The following CEP83 variants were observed in gnomAD, a reference collection of about 807,000 sequenced individuals.
CEP83 encodes centrosomal protein 83, also known as centrosomal protein of 83 kDa.
A neutral mutation model predicts 101.9 loss-of-function variants in CEP83; 70 were observed. The observed-to-expected ratio is 0.69, with a 90% CI of 0.57 to 0.84. The LOEUF is 0.84. CEP83 is among the 40% of genes least tolerant of loss of function. The pLI is 0.00. For missense variants in CEP83, 715 were observed against 787.2 expected (o/e 0.91, Z 1.10); for synonymous variants, 264 against 267.9 (o/e 0.99, Z 0.14).
chr12:94,381,537 C>A (rs970086252), intron 6 of CEP83, among the ~76,000 whole-genome samples: 1 of 152,082 alleles, frequency 6.6e-6, no homozygotes, highest in African/African-American at 2.4e-5. Flanking sequence ...AATGATAGCA[C>A]TTCAATTCCC....
At chr12:94,375,769 G>A (rs1245807977) in intron 8 of CEP83, 117 bp downstream of exon 8, 1 of 518,116 alleles carries the variant, frequency 1.9e-6, no homozygotes, top group Non-Finnish European at 3.1e-6. Flanking sequence ...TTTCTTAGAA[G>A]GCAGAATGAT....
chr12:94,285,885 C>A, the CEP83 span, among the ~76,000 whole-genome samples: 4 of 152,126 alleles, frequency 2.6e-5, no homozygotes, highest in Admixed American at 1.3e-4. Flanking sequence ...CTGTGCCTCC[C>A]CTGCCAGGCT....
intron 2 of CEP83, among the ~76,000 whole-genome samples, chr12:94,414,980 C>G (rs1213622502): frequency 6.6e-6 from 1 of 151,746 alleles, no homozygotes; most frequent in Non-Finnish European, 1.5e-5. Flanking sequence ...ATTCTGTATG[C>G]AAAGGGTACA....
At chr12:94,458,205 GAAA>G (rs143189453) in intron 1 of CEP83, among the ~76,000 whole-genome samples, 1 of 130,160 alleles carries the variant, frequency 7.7e-6, no homozygotes, top group Non-Finnish European at 1.7e-5. Flanking sequence ...CTCAAAAAAA[GAAA>G]AAAAAAAAAA....
At chr12:94,407,211 A>T (rs1378871489) in intron 4 of CEP83, among the ~76,000 whole-genome samples, 1 of 152,186 alleles carries the variant, frequency 6.6e-6, no homozygotes, top group Non-Finnish European at 1.5e-5. Context: ...GAGAAAGAAA[A>T]TATTTTTAGA....
the CEP83 span, chr12:94,301,109 C>T: frequency 2.0e-6 from 3 of 1,528,332 alleles, no homozygotes; most frequent in Non-Finnish European, 9.0e-7. Flanking sequence ...GTTTGACATA[C>T]TTGTCTTTCT....
chr12:94,450,920 C>A (rs1214125856), intron 1 of CEP83, among the ~76,000 whole-genome samples: 1 of 152,146 alleles, frequency 6.6e-6, no homozygotes, highest in Non-Finnish European at 1.5e-5. Context: ...GAAAATGTTA[C>A]ACTACTTATT....
In CEP83 at chr12:94,435,984, C is replaced by G. The variant is rs148559271; in HGVS notation, c.-154-657G>C. Among the ~76,000 whole-genome samples, 117 of 152,062 alleles carry G rather than the reference C, an allele frequency of 7.7e-4. 1 individual carries two copies. In the East Asian group the frequency reaches 0.022, roughly 28 times the overall value. On this transcript the variant is annotated intron_variant, in intron 1 of 16. Transcript: ENST00000397809. ...GTGGCTAGACCCAGAACGGTAATAACAATCACCTCAGTCTGGCTCCTAGGA... is the reference window on the plus strand; with the variant it reads ...GTGGCTAGACCCAGAACGGTAATAAGAATCACCTCAGTCTGGCTCCTAGGA...
At chr12:94,419,737 A>G (rs1296686277) in intron 2 of CEP83, among the ~76,000 whole-genome samples, 1 of 152,164 alleles carries the variant, frequency 6.6e-6, no homozygotes. Context: ...GTTTTGCTGA[A>G]CCGTAAGGAG....
chr12:94,368,194 C>A lies in CEP83; in HGVS notation c.1056G>T (p.Gln352His), dbSNP rs1370476857. The A allele has an allele frequency of 6.2e-7, 1 of 1,609,924 alleles. No individual in the cohort carries two copies. Among genetic ancestry groups the A allele is most frequent in the South Asian group, 1.1e-5 (1 of 89,926 alleles). Residue 352 changes from glutamine to histidine, a missense_variant, in exon 10 of 17, where the codon CAG becomes CAT. By Grantham distance (24) the Gln-to-His change is conservative. Transcript: ENST00000397809. ...CTGCTTTGAGAATTTCATTGTCTGA[C>A]TGTAATCCTAGTGTTTTTCAAGGAG... is the stretch of plus-strand genomic sequence containing the variant. The part of the protein sequence containing the change: ...NKIQSELDGL[Q>H]SDNEILKAAV...
At chr12:94,436,700 G>A (rs555119352) in intron 1 of CEP83, among the ~76,000 whole-genome samples, 11 of 151,692 alleles carry the variant, frequency 7.3e-5, no homozygotes, top group East Asian at 5.8e-4. Context: ...GCACAGTGGC[G>A]TGCACCTGTA....
chr12:94,276,522 G>C, the CEP83 span, among the ~76,000 whole-genome samples: 2 of 152,212 alleles, frequency 1.3e-5, no homozygotes, highest in African/African-American at 2.4e-5. Context: ...CATAGCCGAG[G>C]GGTTTGTGGC....
the CEP83 span, among the ~76,000 whole-genome samples, chr12:94,268,587 CCTT>C: frequency 9.9e-6 from 1 of 100,574 alleles, no homozygotes; most frequent in Non-Finnish European, 1.9e-5. Context: ...GAGAATAAGA[CCTT>C]TTTTTTTTTT....
chr12:94,326,799 A>G (rs1255905206), intron 14 of CEP83, among the ~76,000 whole-genome samples: 4 of 152,178 alleles, frequency 2.6e-5, no homozygotes, highest in African/African-American at 4.8e-5. Context: ...AAGGATTACC[A>G]GCAACTACCA....
the CEP83 span, among the ~76,000 whole-genome samples, chr12:94,295,100 A>T: frequency 6.6e-6 from 1 of 152,222 alleles, no homozygotes; most frequent in Non-Finnish European, 1.5e-5. Flanking sequence ...TTCCTGTTCC[A>T]GGTTTGTCTC....
At chr12:94,347,359 T>C (rs1402070759) in intron 11 of CEP83, among the ~76,000 whole-genome samples, 1 of 152,110 alleles carries the variant, frequency 6.6e-6, no homozygotes, top group East Asian at 1.9e-4. Flanking sequence ...GGTGACATGT[T>C]ACAACATATC....
At position 94,412,585 on chromosome 12, in the gene CEP83, A is replaced by T; in HGVS notation, c.-95T>A. 1 of 968,832 alleles carries T rather than the reference A, an allele frequency of 1.0e-6. No individual in the cohort carries two copies. Among genetic ancestry groups the T allele is most frequent in the Non-Finnish European group, 1.6e-6 (1 of 626,380 alleles). 60.0% of individuals were successfully genotyped at this position (968,832 alleles called of 1,614,324 possible). A position where few individuals can be genotyped will look rare whatever the true frequency, so the allele number is the denominator to read the frequency against. On this transcript the variant is annotated 5_prime_UTR_variant, in exon 3 of 17. Transcript: ENST00000397809. The stretch of plus-strand genomic sequence containing the variant: ...CTAAGGCAGAATCTCAGGAAGCCAA[A>T]TTATACCTGCACAGAGAAATAAACA...
the CEP83 span, among the ~76,000 whole-genome samples, chr12:94,274,456 A>T: frequency 1.3e-5 from 2 of 152,186 alleles, no homozygotes; most frequent in Non-Finnish European, 2.9e-5. Flanking sequence ...GGCTGGACCC[A>T]CTGCTGTGCA....
intron 14 of CEP83, 116 bp downstream of exon 14, chr12:94,331,584 T>C (rs1056227085): frequency 1.7e-5 from 14 of 814,518 alleles, no homozygotes; most frequent in Admixed American, 1.5e-4. Context: ...TTAGCCAGGA[T>C]GGTCTCAATG....
Sources: gnomAD v4.1 joint callset for allele counts (sites outside exome capture counted in the v4.1 genomes callset) on GRCh38, gnomAD v4.1.1 for gene constraint, MANE v1.5 for transcripts, NCBI Gene and HGNC (gene_info 2026-07-23, HGNC 2026-07-21) for gene names.